Variants in RRAS2 observed in about 807,000 individuals in gnomAD.
RRAS2 encodes RAS related 2.
A neutral mutation model predicts 27.6 loss-of-function variants in RRAS2; 7 were observed. The observed-to-expected ratio is 0.25, with a 90% CI of 0.14 to 0.48. The LOEUF is 0.48. Among genes scored for constraint, RRAS2 ranks in the 20% least tolerant of loss-of-function variants. RRAS2 has a pLI of 0.99. For synonymous variants in RRAS2, 86 were observed against 90.9 expected (o/e 0.95, Z 0.31); for missense variants, 178 against 256.2 (o/e 0.69, Z 2.08).
intron 1 of RRAS2, among the ~76,000 whole-genome samples, chr11:14,308,546 G>T (rs1847882960): frequency 6.6e-6 from 1 of 152,032 alleles, no homozygotes; most frequent in South Asian, 2.1e-4. Flanking sequence ...TAATTTATAG[G>T]TGCTATCGAG....
At chr11:14,286,208 ATTAT>A (rs1167816573) in intron 4 of RRAS2, among the ~76,000 whole-genome samples, 3 of 152,040 alleles carry the variant, frequency 2.0e-5, no homozygotes, top group Non-Finnish European at 4.4e-5. Context: ...GCTCCTATTA[ATTAT>A]TTGTTTCCTT....
At chr11:14,360,425 C>T (rs1346665497), upstream of RRAS2, among the ~76,000 whole-genome samples, 2 of 151,944 alleles carry the variant, frequency 1.3e-5, no homozygotes, top group South Asian at 2.1e-4. Flanking sequence ...TTTTTTGAGA[C>T]AAGATCCCTC....
chr11:14,317,533 C>A (rs1848135340), intron 1 of RRAS2, among the ~76,000 whole-genome samples: 1 of 152,174 alleles, frequency 6.6e-6, no homozygotes. Flanking sequence ...TGAGCCAAGA[C>A]CGTGCCATTG....
chr11:14,353,006 C>T (rs1848996407), intron 1 of RRAS2, among the ~76,000 whole-genome samples: 1 of 151,854 alleles, frequency 6.6e-6, no homozygotes, highest in African/African-American at 2.4e-5. Flanking sequence ...ACCATGTTGG[C>T]CACGCTGGTC....
intron 1 of RRAS2, among the ~76,000 whole-genome samples, chr11:14,355,159 A>T (rs74406220): frequency 2.8e-5 from 4 of 144,182 alleles, no homozygotes; most frequent in Non-Finnish European, 3.1e-5. Context: ...TTAAATGAAT[A>T]AAAAAAAAAA....
At chr11:14,293,774 G>A (rs1394660413) in intron 4 of RRAS2, among the ~76,000 whole-genome samples, 1 of 152,078 alleles carries the variant, frequency 6.6e-6, no homozygotes, top group Non-Finnish European at 1.5e-5. Flanking sequence ...AGCAGCATGA[G>A]AATGGACTAA....
Position 14,282,869 on chromosome 11 carries a change from A to G in RRAS2, c.409-1149T>C, listed in dbSNP as rs189889386. On this transcript the variant is annotated intron_variant, in intron 4 of 5. Transcript: ENST00000256196. ...TTTCTACATAACCATGTCATTTGCT[A>G]ATAAAGACAATTTTATTTCTTGCTT... Among the ~76,000 whole-genome samples the G allele has an allele frequency of 1.9e-4, 29 of 152,320 alleles. No homozygotes were observed. The East Asian group carries it at 5.2e-3, about 27-fold the overall frequency.
intron 1 of RRAS2, among the ~76,000 whole-genome samples, chr11:14,320,474 A>C (rs1848199380): frequency 1.3e-5 from 2 of 152,208 alleles, no homozygotes; most frequent in South Asian, 4.1e-4. Flanking sequence ...AGCAGCTCTC[A>C]TTTACTTATT....
At chr11:14,283,863 T>C (rs1849603239) in intron 4 of RRAS2, among the ~76,000 whole-genome samples, 1 of 152,140 alleles carries the variant, frequency 6.6e-6, no homozygotes, top group African/African-American at 2.4e-5. Context: ...TTTTTATTTT[T>C]TATTTTTTTT....
chr11:14,288,121 C>T (rs1339508969), intron 4 of RRAS2, among the ~76,000 whole-genome samples: 2 of 152,124 alleles, frequency 1.3e-5, no homozygotes, highest in African/African-American at 2.4e-5. Context: ...GTTGGGACTA[C>T]AGGCACGTGC....
chr11:14,354,823 C>T (rs1373114606), intron 1 of RRAS2, among the ~76,000 whole-genome samples: 10 of 151,756 alleles, frequency 6.6e-5, no homozygotes, highest in Admixed American at 1.3e-4. Context: ...ATTACAAGCA[C>T]GCACCAACAC....
chr11:14,358,681 T>G lies in RRAS2; in HGVS notation c.108+82A>C, dbSNP rs1849136174. ...CCCGCGAGGCGCCTCTGGGGCGAGGTCGCGGCGGCCGCCCCGCCACAGGTA... is the reference window on the plus strand; with the variant it reads ...CCCGCGAGGCGCCTCTGGGGCGAGGGCGCGGCGGCCGCCCCGCCACAGGTA... On this transcript the variant is annotated intron_variant, in intron 1 of 5. Coordinates refer to ENST00000256196, the MANE Select transcript of RRAS2 (RefSeq NM_012250.6). This position sits in a 1 kb window ranked among gnomAD's most constrained non-coding sequence, Gnocchi z 5.1. The G allele has an allele frequency of 2.9e-6, 3 of 1,026,384 alleles. No individual in the cohort carries two copies. 63.6% of individuals were successfully genotyped at this position (1,026,384 alleles called of 1,614,324 possible). A position where few individuals can be genotyped will look rare whatever the true frequency, so the allele number is the denominator to read the frequency against.
chr11:14,295,627 A>T (rs782426130), intron 2 of RRAS2, 141 bp downstream of exon 2: 6 of 588,728 alleles, frequency 1.0e-5, no homozygotes, highest in Admixed American at 3.0e-5. Flanking sequence ...CAGACTCTTC[A>T]ATCAAAACTT....
intron 1 of RRAS2, among the ~76,000 whole-genome samples, chr11:14,344,353 C>T (rs1418830569): frequency 6.6e-6 from 1 of 152,152 alleles, no homozygotes; most frequent in Non-Finnish European, 1.5e-5. Flanking sequence ...TCTCTCTAAC[C>T]TTAAATTCAC....
At chr11:14,354,354 T>C (rs955173647) in intron 1 of RRAS2, 2 of 152,198 alleles carry the variant, frequency 1.3e-5, no homozygotes, top group Non-Finnish European at 2.9e-5. Flanking sequence ...TTTTAAAACA[T>C]ATATGGCCTT....
At chr11:14,319,617 C>G (rs1314889450) in intron 1 of RRAS2, among the ~76,000 whole-genome samples, 3 of 151,972 alleles carry the variant, frequency 2.0e-5, no homozygotes, top group African/African-American at 7.2e-5. Context: ...CTCAGCCTCC[C>G]AAAGTGCTGG....
intron 1 of RRAS2, among the ~76,000 whole-genome samples, chr11:14,345,121 G>C (rs917573502): frequency 3.3e-5 from 5 of 151,420 alleles, no homozygotes; most frequent in Admixed American, 2.0e-4. Flanking sequence ...CAAGTAGCTG[G>C]GATTATTGGC....
chr11:14,361,349 A>G (rs1849189147), upstream of RRAS2, among the ~76,000 whole-genome samples: 1 of 151,826 alleles, frequency 6.6e-6, no homozygotes, highest in Non-Finnish European at 1.5e-5. Flanking sequence ...CCCGACCCTT[A>G]TTGAATACTT....
intron 1 of RRAS2, among the ~76,000 whole-genome samples, chr11:14,352,153 T>C (rs1419971883): frequency 6.6e-6 from 1 of 152,168 alleles, no homozygotes; most frequent in Non-Finnish European, 1.5e-5. Flanking sequence ...CTTACATGGA[T>C]AAAGAGCTTT....
Sources: gnomAD v4.1 joint callset for allele counts (sites outside exome capture counted in the v4.1 genomes callset) on GRCh38, gnomAD v4.1.1 for gene constraint, Gnocchi (gnomAD v3.1) non-coding constraint, MANE v1.5 for transcripts, NCBI Gene and HGNC (gene_info 2026-07-23, HGNC 2026-07-21) for gene names.